ADCY4: variants seen among roughly 807,000 people sequenced by gnomAD.
ADCY4 encodes adenylate cyclase 4.
In ADCY4, 111 loss-of-function variants were observed where a neutral mutation model predicts 125.5. The ratio of observed to expected loss-of-function variants is 0.88; its 90% CI spans 0.76 to 1.04. The LOEUF (loss-of-function observed/expected upper bound fraction) is 1.04, where lower values mean the gene tolerates loss of function less well. ADCY4 is among the 50% of genes least tolerant of loss of function. ADCY4 has a pLI of 0.00. For synonymous variants in ADCY4, 576 were observed against 586.9 expected (o/e 0.98, Z 0.27); for missense variants, 1,256 against 1,382.9 (o/e 0.91, Z 1.46).
At chr14:24,323,235 T>C in intron 17 of ADCY4, 109 bp downstream of exon 17, 1 of 1,395,134 alleles carries the variant, frequency 7.2e-7, no homozygotes, top group East Asian at 2.5e-5. Flanking sequence ...GGGTGTGACT[T>C]ATGTCTGTTC....
chr14:24,318,565 T>C lies in ADCY4; in HGVS notation c.3085A>G (p.Thr1029Ala), dbSNP rs758319337. The change falls in exon 25 of 25, where the codon ACT becomes GCT. Residue 1029 changes from threonine (T) to alanine (A), a missense_variant. Transcript: ENST00000418030. ...TGTAGGGCCCATGCTGTCTCCTCAG[T>C]CACCTACAATTGGAGGGGGGCGAGG... ...STGVLGKIQV[T>A]EETAWALQSL... is the part of the protein sequence containing the mutation. 6.2e-7 allele frequency: 1 copy of C among 1,613,976 alleles called. No individual in the cohort carries two copies. Among genetic ancestry groups the C allele is most frequent in the South Asian group, 1.1e-5 (1 of 91,090 alleles).
chr14:24,326,044 C>T lies in ADCY4; in HGVS notation c.1655+35G>A, dbSNP rs1178038712. ...CCTTCTCCACCATATGACCTCAGGG[C>T]CTGCGGCCCCCCCAGCCCTCTTTGT... is the stretch of plus-strand genomic sequence containing the variant. On this transcript the variant is annotated intron_variant, in intron 12 of 24. Coordinates refer to ENST00000418030, the MANE Select transcript of ADCY4 (RefSeq NM_001198568.2). 1.1e-5 allele frequency: 17 copies of T among 1,569,970 alleles called. No homozygotes were observed. The East Asian group carries it at 3.8e-4, about 35-fold the overall frequency.
chr14:24,333,703 C>T (rs1299110748), intron 1 of ADCY4, among the ~76,000 whole-genome samples: 2 of 152,224 alleles, frequency 1.3e-5, no homozygotes, highest in African/African-American at 4.8e-5. Context: ...TGAATGTCTC[C>T]AAATCTGGCC....
Position 24,324,219 on chromosome 14 carries a change from A to C in ADCY4, c.1909-20T>G, listed in dbSNP as rs760980099. The C allele has an allele frequency of 2.5e-6, 4 of 1,614,136 alleles. No individual in the cohort carries two copies. The highest frequency in any genetic ancestry group is 3.4e-6 in the Non-Finnish European group (4 of 1,179,964). ...ACACCTCTGTGGAGGGAGCATGGGC[A>C]TCTTAGCCACGGGGCTGGGGCACCC... On this transcript the variant is annotated intron_variant, in intron 15 of 24. Coordinates refer to ENST00000418030, the MANE Select transcript of ADCY4 (RefSeq NM_001198568.2).
chr14:24,321,092 C>CTTTTT (rs113506596), intron 20 of ADCY4, among the ~76,000 whole-genome samples: 1 of 120,244 alleles, frequency 8.3e-6, no homozygotes. Context: ...AATTGCATTT[C>CTTTTT]TTTTTTTTTT....
rs1224734439 is a variant in ADCY4, at chr14:24,332,907, G to A, written c.241C>T (p.Arg81Trp). 5.0e-6 allele frequency: 8 copies of A among 1,604,344 alleles called. No homozygotes were observed. Among genetic ancestry groups the A allele is most frequent in the Admixed American group, 1.7e-5 (1 of 59,428 alleles). ...GTCCAGCGCTGCAGTCGCTGCTCCC[G>A]GGAAGCGAGGCCCAGCAGCAGCGAG... Reference protein sequence around the residue: ...GFSLLLGLASREQRLQRWTRP... With the variant: ...GFSLLLGLASWEQRLQRWTRP... The change falls in exon 2 of 25, where the codon CGG becomes TGG. Residue 81 changes from arginine (R) to tryptophan (W), a missense_variant. Arg to Trp is a moderately radical substitution (Grantham distance 101). Coordinates refer to ENST00000418030, the MANE Select transcript of ADCY4 (RefSeq NM_001198568.2).
At chr14:24,330,143 C>T (rs758109353) in intron 7 of ADCY4, 25 bp downstream of exon 7, 1 of 1,607,898 alleles carries the variant, frequency 6.2e-7, no homozygotes, top group Admixed American at 1.7e-5. Context: ...CCTCAGCATT[C>T]CTCTTGACCA....
At chr14:24,327,607 A>G (rs751877) in intron 10 of ADCY4, among the ~76,000 whole-genome samples, 12 of 151,828 alleles carry the variant, frequency 7.9e-5, no homozygotes, top group African/African-American at 1.9e-4. Flanking sequence ...TCCTTCCCCC[A>G]CTCCCCAGTG....
At chr14:24,329,698 TC>T (rs2042009970) in intron 8 of ADCY4, among the ~76,000 whole-genome samples, 161 bp downstream of exon 8, 1 of 152,086 alleles carries the variant, frequency 6.6e-6, no homozygotes. Context: ...AGGAGGTGCC[TC>T]CCAGCTCCCC....
chr14:24,325,593 C>T lies in ADCY4; in HGVS notation c.1726-119G>A, dbSNP rs114047989. The T allele has an allele frequency of 4.7e-4, 440 of 944,958 alleles. 4 individuals carry two copies. The African/African-American group carries it at 6.3e-3, about 13-fold the overall frequency. 58.5% of individuals were successfully genotyped at this position (944,958 alleles called of 1,614,324 possible). On this transcript the variant is annotated intron_variant, in intron 13 of 24. Coordinates refer to ENST00000418030, the MANE Select transcript of ADCY4 (RefSeq NM_001198568.2). ...TCACCGCCCAGGCTCCAGTTCAGTT[C>T]CATGTAGACCCTACCAGTTCTCCAA...
chr14:24,318,374 CCA>C lies in ADCY4; in HGVS notation c.*40_*41del, dbSNP rs775509106. 6.2e-7 allele frequency: 1 copy of C among 1,601,980 alleles called. No individual in the cohort carries two copies. Among genetic ancestry groups the C allele is most frequent in the South Asian group, 1.1e-5 (1 of 89,496 alleles). On this transcript the variant is annotated 3_prime_UTR_variant, in exon 25 of 25. Transcript: ENST00000418030. Reference sequence around the variant, plus strand: ...CAGACATCAATGGGCTCCAGACACCCCAGAGTCTCTTTATTGAGGTTCTTAGA... The same window carrying C: ...CAGACATCAATGGGCTCCAGACACCCGAGTCTCTTTATTGAGGTTCTTAGA...
Position 24,319,828 on chromosome 14 carries a change from T to C in ADCY4, c.2647A>G (p.Lys883Glu), listed in dbSNP as rs1486216898. 1 of 1,614,118 alleles carries C rather than the reference T, an allele frequency of 6.2e-7. No homozygotes were observed. The highest frequency in any genetic ancestry group is 1.7e-5 in the Admixed American group (1 of 60,026). ...ATGTTGGATTCAGAGTAGAACTCCT[T>C]GAAGTCTGGGACTGAGGCGAAGAGG... ...CVLFASVPDF[K>E]EFYSESNINH... The change falls in exon 21 of 25, where the codon AAG (lysine) becomes GAG (glutamate). Residue 883 changes from lysine (K) to glutamate (E), a missense_variant. Lys to Glu is a moderately conservative substitution (Grantham distance 56). Coordinates refer to ENST00000418030, the MANE Select transcript of ADCY4 (RefSeq NM_001198568.2). This position sits in a 1 kb window ranked among gnomAD's most constrained non-coding sequence, Gnocchi z 4.5.
chr14:24,329,381 G>A lies in ADCY4; in HGVS notation c.1350+20C>T, dbSNP rs767439341. Reference sequence around the variant, plus strand: ...GTGGTTTGTGTAGGCCAGCCCATGGGGTCTGGGCTGGGCTTTTACCCGTGG... The same window carrying A: ...GTGGTTTGTGTAGGCCAGCCCATGGAGTCTGGGCTGGGCTTTTACCCGTGG... On this transcript the variant is annotated intron_variant, in intron 9 of 24. Transcript: ENST00000418030. 1.9e-6 allele frequency: 3 copies of A among 1,547,040 alleles called. No individual in the cohort carries two copies. The highest frequency in any genetic ancestry group is 2.6e-6 in the Non-Finnish European group (3 of 1,148,534).
chr14:24,323,155 C>T, intron 17 of ADCY4, 67 bp from the exon 18 acceptor site: 1 of 1,541,656 alleles, frequency 6.5e-7, no homozygotes, highest in Non-Finnish European at 8.8e-7. Context: ...CCTGAGGGCT[C>T]CCTTCCTGTC....
chr14:24,318,624 C>G (rs749148786), intron 24 of ADCY4, 30 bp downstream of exon 24: 1 of 1,614,088 alleles, frequency 6.2e-7, no homozygotes, highest in Admixed American at 1.7e-5. Flanking sequence ...TAGTCCCCCT[C>G]CCCCTATGCC....
intron 6 of ADCY4, 63 bp from the exon 7 acceptor site, chr14:24,330,358 T>A (rs770126918): frequency 1.2e-6 from 2 of 1,603,430 alleles, no homozygotes; most frequent in Non-Finnish European, 1.7e-6. Flanking sequence ...TAGGAGGGAG[T>A]TGGGAAAAGT....
chr14:24,332,887 G>A lies in ADCY4; in HGVS notation c.261C>T (p.Arg87=). ...GLASREQRLQ[R]WTRPLSGLVW... The stretch of plus-strand genomic sequence containing the variant: ...CCAAGCCGGACAGGGGACGCGTCCA[G>A]CGCTGCAGTCGCTGCTCCCGGGAAG... The change falls in exon 2 of 25, where the codon CGC becomes CGT. Residue 87 remains arginine, a synonymous_variant. Coordinates refer to ENST00000418030, the MANE Select transcript of ADCY4 (RefSeq NM_001198568.2). 6.2e-7 allele frequency: 1 copy of A among 1,606,040 alleles called. No individual in the cohort carries two copies. The highest frequency in any genetic ancestry group is 8.5e-7 in the Non-Finnish European group (1 of 1,176,060).
chr14:24,330,270 A>G lies in ADCY4; in HGVS notation c.956T>C (p.Ile319Thr). Residue 319 changes from isoleucine (I) to threonine (T), a missense_variant, in exon 7 of 25, where the codon ATC (isoleucine) becomes ACC (threonine). Physicochemically the swap from Ile to Thr is moderately conservative, Grantham distance 89. Transcript: ENST00000418030. ...AKEHECMRIK[I>T]LGDCYYCVSG... is the part of the protein sequence containing the mutation. The stretch of plus-strand genomic sequence containing the variant: ...GACACAGTAGTAACAGTCCCCCAGG[A>G]TCTTGATCCGCATGCATTCATGCTC... 6.2e-7 allele frequency: 1 copy of G among 1,614,154 alleles called. No individual in the cohort carries two copies. Among genetic ancestry groups the G allele is most frequent in the Non-Finnish European group, 8.5e-7 (1 of 1,180,038 alleles).
chr14:24,318,813 AGGAAGAGG>A (rs2041808669), intron 23 of ADCY4, 35 bp from the exon 24 acceptor site: 1 of 1,613,160 alleles, frequency 6.2e-7, no homozygotes. Flanking sequence ...GACTTGGAGA[AGGAAGAGG>A]GGAAGAGGAA....
Sources: gnomAD v4.1 joint callset for allele counts (sites outside exome capture counted in the v4.1 genomes callset) on GRCh38, gnomAD v4.1.1 for gene constraint, Gnocchi (gnomAD v3.1) non-coding constraint, MANE v1.5 for transcripts, NCBI Gene and HGNC (gene_info 2026-07-23, HGNC 2026-07-21) for gene names.